Variants in RASSF8 observed in about 807,000 individuals in gnomAD.
RASSF8 encodes ras association domain-containing protein 8.
Under a neutral mutation model 48.5 loss-of-function variants are expected in RASSF8, and 22 were observed. That is an observed-to-expected ratio of 0.45 (90% confidence interval 0.32 to 0.65). The LOEUF (loss-of-function observed/expected upper bound fraction) is 0.65, where lower values mean the gene tolerates loss of function less well. RASSF8 is among the 30% of genes least tolerant of loss of function. RASSF8 has a pLI of 0.03. For synonymous variants in RASSF8, 127 were observed against 171.5 expected (o/e 0.74, Z 2.03); for missense variants, 418 against 489.2 (o/e 0.85, Z 1.37).
At chr12:25,977,185 C>A (rs1008128868) in intron 1 of RASSF8, among the ~76,000 whole-genome samples, 43 of 152,290 alleles carry the variant, frequency 2.8e-4, no homozygotes, top group African/African-American at 1.0e-3. Flanking sequence ...GGCTTCCTTC[C>A]ATTAAGTCAT....
chr12:25,961,338 CTT>C (rs1357596136), intron 1 of RASSF8, among the ~76,000 whole-genome samples: 1 of 152,164 alleles, frequency 6.6e-6, no homozygotes. Flanking sequence ...TTACAAAACT[CTT>C]TGCAAGTAAA....
chr12:25,965,583 C>T (rs1043184450), intron 1 of RASSF8, among the ~76,000 whole-genome samples: 2 of 151,734 alleles, frequency 1.3e-5, no homozygotes, highest in South Asian at 2.1e-4. Flanking sequence ...GCTTATCTCT[C>T]CACCTCAAAT....
intron 2 of RASSF8, among the ~76,000 whole-genome samples, chr12:26,008,899 G>A (rs144761698): frequency 1.5e-4 from 23 of 152,220 alleles, no homozygotes; most frequent in African/African-American, 5.5e-4. Flanking sequence ...TCATCTTGGT[G>A]GTCCTGGTGC....
At chr12:26,004,081 G>A (rs1942327321) in intron 2 of RASSF8, among the ~76,000 whole-genome samples, 1 of 152,152 alleles carries the variant, frequency 6.6e-6, no homozygotes, top group South Asian at 2.1e-4. Context: ...GGAGGCTGAG[G>A]TGAAAGGATT....
At chr12:26,040,980 C>T (rs774885568) in intron 2 of RASSF8, among the ~76,000 whole-genome samples, 9 of 151,818 alleles carry the variant, frequency 5.9e-5, no homozygotes, top group Non-Finnish European at 1.0e-4. Context: ...CGCTGCCTCC[C>T]AGGTTCACGC....
At chr12:25,988,837 A>G (rs1941948914) in intron 1 of RASSF8, among the ~76,000 whole-genome samples, 1 of 152,218 alleles carries the variant, frequency 6.6e-6, no homozygotes, top group Admixed American at 6.5e-5. Flanking sequence ...GTAACAAAAC[A>G]GTGTGGAAAC....
rs574554354 is a variant in RASSF8 at position 26,033,456 on chromosome 12, GTAT to G, written c.-108-21775_-108-21773del. On this transcript the variant is annotated intron_variant, in intron 2 of 5. Transcript: ENST00000689635. ...CCACTATATTTGTGTTAAAGCTTAG[GTAT>G]TATTTTCATTCTTTCATGCTAAAAG... Among the ~76,000 whole-genome samples, 16 of 152,150 alleles carry G rather than the reference GTAT, an allele frequency of 1.1e-4. No homozygotes were observed. The South Asian group carries it at 1.2e-3, about 12-fold the overall frequency.
At chr12:25,960,767 G>C (rs61914182) in intron 1 of RASSF8, among the ~76,000 whole-genome samples, 1 of 152,202 alleles carries the variant, frequency 6.6e-6, no homozygotes, top group East Asian at 1.9e-4. Context: ...CAAATCTTAT[G>C]TCTGGGCTTT....
intron 2 of RASSF8, among the ~76,000 whole-genome samples, chr12:26,021,057 C>G (rs940234424): frequency 2.6e-5 from 4 of 152,064 alleles, no homozygotes; most frequent in African/African-American, 9.7e-5. Flanking sequence ...CCAATTACTT[C>G]GAAAATCTTT....
At chr12:26,023,199 G>T (rs2137072653) in intron 2 of RASSF8, among the ~76,000 whole-genome samples, 1 of 152,234 alleles carries the variant, frequency 6.6e-6, no homozygotes, top group East Asian at 1.9e-4. Flanking sequence ...CCTATGTAAT[G>T]GGAGTACTAC....
intron 1 of RASSF8, among the ~76,000 whole-genome samples, chr12:25,963,298 A>C (rs989459749): frequency 2.1e-5 from 3 of 143,122 alleles, no homozygotes; most frequent in African/African-American, 7.8e-5. Flanking sequence ...CTTCTCTCTC[A>C]CTAAAGCATT....
At chr12:26,008,050 G>T (rs1942432805) in intron 2 of RASSF8, among the ~76,000 whole-genome samples, 1 of 152,176 alleles carries the variant, frequency 6.6e-6, no homozygotes, top group Non-Finnish European at 1.5e-5. Flanking sequence ...GAGGCGGGCA[G>T]ATCTCAAGGT....
chr12:25,999,285 C>T (rs988335961), intron 2 of RASSF8, among the ~76,000 whole-genome samples: 1 of 152,188 alleles, frequency 6.6e-6, no homozygotes, highest in Non-Finnish European at 1.5e-5. Flanking sequence ...AAACCATGCT[C>T]TGTGATATTG....
intron 1 of RASSF8, among the ~76,000 whole-genome samples, chr12:25,966,304 G>A (rs1017653936): frequency 6.6e-6 from 1 of 152,128 alleles, no homozygotes; most frequent in Non-Finnish European, 1.5e-5. Context: ...CGAGGCTGGA[G>A]TACAGTAGTA....
chr12:25,985,243 A>C (rs1334448892), intron 1 of RASSF8, among the ~76,000 whole-genome samples: 3 of 152,130 alleles, frequency 2.0e-5, no homozygotes, highest in Non-Finnish European at 4.4e-5. Context: ...TGTGTGTGGG[A>C]GGGAGGCATC....
intron 1 of RASSF8, chr12:25,959,753 G>C (rs1941185415): frequency 6.6e-6 from 1 of 152,110 alleles, no homozygotes; most frequent in Non-Finnish European, 1.5e-5. Context: ...TTGAAGGGAC[G>C]CGAGCTTTGA....
At chr12:25,973,363 G>C (rs1455769107) in intron 1 of RASSF8, among the ~76,000 whole-genome samples, 1 of 152,178 alleles carries the variant, frequency 6.6e-6, no homozygotes, top group Non-Finnish European at 1.5e-5. Context: ...TGTGAACTGA[G>C]GGTTAGGATA....
intron 2 of RASSF8, among the ~76,000 whole-genome samples, chr12:26,027,358 G>A (rs980298596): frequency 1.3e-5 from 2 of 152,204 alleles, no homozygotes; most frequent in Non-Finnish European, 2.9e-5. Context: ...TCTCAGTAAA[G>A]CTGTTGTTTA....
chr12:26,033,063 A>T lies in RASSF8; in HGVS notation c.-108-22173A>T, dbSNP rs1190611044. 2.6e-5 allele frequency among the ~76,000 whole-genome samples: 4 copies of T among 152,216 alleles called. No homozygotes were observed. In the East Asian group the frequency reaches 7.7e-4, roughly 29 times the overall value. On this transcript the variant is annotated intron_variant, in intron 2 of 5. Transcript: ENST00000689635. ...TTAGAGTAGCAACTAAATATATTAG[A>T]TACTTCAACTATCCTTGAAATGTGA...
Sources: allele counts gnomAD v4.1 joint callset (sites outside exome capture counted in the v4.1 genomes callset), GRCh38; gene constraint gnomAD v4.1.1; transcripts MANE v1.5; gene names NCBI Gene and HGNC (gene_info 2026-07-23, HGNC 2026-07-21).